RARB: variants seen among roughly 807,000 people sequenced by gnomAD.
RARB encodes the protein HBV-activated protein.
Under a neutral mutation model 51.9 loss-of-function variants are expected in RARB, and 17 were observed. That is an observed-to-expected ratio of 0.33 (90% CI 0.22 to 0.49). The LOEUF (loss-of-function observed/expected upper bound fraction) is 0.49. Ranked by LOEUF, RARB falls within the 20% of genes least tolerant of loss-of-function variation. RARB has a pLI of 0.99. For missense variants in RARB, 369 were observed against 550.8 expected (o/e 0.67, Z 3.30); for synonymous variants, 215 against 195.4 (o/e 1.10, Z -0.84).
rs1575107467 is a variant in RARB at position 24,988,119 on chromosome 3, G to A, written c.-379-72006G>A. ...TATAACACCCTTAACTAAGACATTT[G>A]AAATGTGATCCCATCTTGGGAGCAC... is the stretch of plus-strand genomic sequence containing the variant. On this transcript the variant is annotated intron_variant, in intron 2 of 11. Coordinates refer to the RARB transcript ENST00000383772. Among the ~76,000 whole-genome samples, 3 of 152,124 alleles carry A rather than the reference G, an allele frequency of 2.0e-5. No individual in the cohort carries two copies. The East Asian group carries it at 5.8e-4, about 29-fold the overall frequency.
intron 5 of RARB, among the ~76,000 whole-genome samples, chr3:25,326,048 G>A (rs1198122861): frequency 6.6e-6 from 1 of 152,166 alleles, no homozygotes; most frequent in African/African-American, 2.4e-5. Flanking sequence ...AGGAAGGCTG[G>A]TCATGAGAAT....
At chr3:25,303,201 A>G (rs1229478561) in intron 5 of RARB, among the ~76,000 whole-genome samples, 1 of 152,168 alleles carries the variant, frequency 6.6e-6, no homozygotes, top group African/African-American at 2.4e-5. Flanking sequence ...TTTGGGAGGT[A>G]TTATTGTCTC....
chr3:25,009,984 TC>T (rs1435325323), intron 2 of RARB, among the ~76,000 whole-genome samples: 1 of 152,110 alleles, frequency 6.6e-6, no homozygotes, highest in African/African-American at 2.4e-5. Flanking sequence ...CCTGTCTCAT[TC>T]AAGTAGCCCC....
At chr3:25,523,717 G>A (rs1043481118) in intron 3 of RARB, among the ~76,000 whole-genome samples, 1 of 152,172 alleles carries the variant, frequency 6.6e-6, no homozygotes, top group Non-Finnish European at 1.5e-5. Context: ...AAAATGGTAA[G>A]CAAATAGCTT....
intron 3 of RARB, among the ~76,000 whole-genome samples, chr3:25,539,862 T>C (rs1699304387): frequency 6.6e-6 from 1 of 152,170 alleles, no homozygotes; most frequent in African/African-American, 2.4e-5. Flanking sequence ...TGGGTCCATT[T>C]ATATATAAAT....
chr3:25,542,569 C>G (rs1393439926), intron 3 of RARB, among the ~76,000 whole-genome samples: 5 of 152,234 alleles, frequency 3.3e-5, no homozygotes, highest in Non-Finnish European at 2.9e-5. Context: ...GTTCATTTGT[C>G]TTAACTCATC....
intron 2 of RARB, among the ~76,000 whole-genome samples, chr3:24,861,683 T>TA (rs1467384163): frequency 6.6e-6 from 1 of 152,058 alleles, no homozygotes; most frequent in Admixed American, 6.5e-5. Flanking sequence ...TAGGTCTTTC[T>TA]AGTGTCTGGC....
At chr3:25,020,531 G>A (rs930063173) in intron 2 of RARB, 3 of 151,994 alleles carry the variant, frequency 2.0e-5, no homozygotes, top group Admixed American at 1.3e-4. Flanking sequence ...TTTGGAGAAA[G>A]CAAATTCGTC....
chr3:24,992,108 C>T (rs1409995310), intron 2 of RARB, among the ~76,000 whole-genome samples: 8 of 152,140 alleles, frequency 5.3e-5, no homozygotes, highest in Admixed American at 2.0e-4. Flanking sequence ...TTGACTTGCT[C>T]CTCCATACCG....
At chr3:25,295,056 A>T (rs745480652) in intron 5 of RARB, among the ~76,000 whole-genome samples, 5 of 152,174 alleles carry the variant, frequency 3.3e-5, no homozygotes, top group Non-Finnish European at 7.4e-5. Flanking sequence ...ATGTTACCCA[A>T]ATTATATAGA....
intron 2 of RARB, among the ~76,000 whole-genome samples, chr3:25,001,471 T>A (rs1381309532): frequency 3.3e-5 from 5 of 152,080 alleles, no homozygotes; most frequent in Non-Finnish European, 7.4e-5. Flanking sequence ...TTGTCTTCTC[T>A]CCCTCAGACA....
At chr3:25,330,244 G>C (rs6796134) in intron 5 of RARB, among the ~76,000 whole-genome samples, 5 of 151,746 alleles carry the variant, frequency 3.3e-5, no homozygotes, top group Non-Finnish European at 7.4e-5. Flanking sequence ...GAAGGAAAAA[G>C]TGTTAAGGGC....
chr3:24,957,441 T>C (rs1696041293), intron 2 of RARB, among the ~76,000 whole-genome samples: 1 of 152,320 alleles, frequency 6.6e-6, no homozygotes, highest in Admixed American at 6.5e-5. Context: ...TCTGTGGAAG[T>C]GGAGAGACGT....
intron 5 of RARB, among the ~76,000 whole-genome samples, chr3:25,249,680 G>GATTTT (rs1203253081): frequency 8.8e-6 from 1 of 113,060 alleles, no homozygotes; most frequent in Non-Finnish European, 1.9e-5. Flanking sequence ...GTCTCTGTAT[G>GATTTT]ATTTTTTTTT....
chr3:25,522,712 GCA>G (rs1443542620), intron 3 of RARB, among the ~76,000 whole-genome samples: 3 of 152,172 alleles, frequency 2.0e-5, no homozygotes, highest in African/African-American at 7.2e-5. Context: ...CATTCTGGAA[GCA>G]CAGCCCCGGG....
intron 5 of RARB, among the ~76,000 whole-genome samples, chr3:25,176,293 T>TTTTC (rs758062670): frequency 3.4e-4 from 22 of 64,216 alleles, no homozygotes; most frequent in East Asian, 1.8e-3. Context: ...TATATTTATC[T>TTTTC]TTTCTTTCTT....
intron 4 of RARB, among the ~76,000 whole-genome samples, chr3:25,166,967 G>T (rs1055799966): frequency 7.9e-5 from 12 of 152,116 alleles, no homozygotes; most frequent in Non-Finnish European, 1.2e-4. Flanking sequence ...CATCCCCATG[G>T]CATGTCCATA....
intron 2 of RARB, among the ~76,000 whole-genome samples, chr3:25,048,244 A>G (rs1023114060): frequency 2.0e-5 from 3 of 152,194 alleles, no homozygotes; most frequent in African/African-American, 4.8e-5. Flanking sequence ...CTACTTAGTG[A>G]AAAGCACTGG....
At chr3:25,376,354 A>G (rs1241266172) in intron 5 of RARB, among the ~76,000 whole-genome samples, 1 of 152,198 alleles carries the variant, frequency 6.6e-6, no homozygotes, top group Non-Finnish European at 1.5e-5. Context: ...CACAAGTCCA[A>G]TTTGTCTCAA....
Sources: gnomAD v4.1 joint callset for allele counts (sites outside exome capture counted in the v4.1 genomes callset) on GRCh38, gnomAD v4.1.1 for gene constraint, MANE v1.5 for transcripts, NCBI Gene and HGNC (gene_info 2026-07-23, HGNC 2026-07-21) for gene names.